Variants in SPMIP11 observed in about 807,000 individuals in gnomAD.
SPMIP11 encodes the protein long intergenic non-protein coding RNA 935.
chr12:48,732,674 G>C, the SPMIP11 span, among the ~76,000 whole-genome samples: 1 of 151,894 alleles, frequency 6.6e-6, no homozygotes, highest in South Asian at 2.1e-4. Context: ...GGAGGCTGAG[G>C]CAGGAGAATC....
the SPMIP11 span, among the ~76,000 whole-genome samples, chr12:48,736,413 CAAAAA>C: frequency 1.1e-4 from 8 of 71,840 alleles, no homozygotes; most frequent in Non-Finnish European, 5.4e-5. Flanking sequence ...GACTCTGTCT[CAAAAA>C]AAAAAAAAAA....
At chr12:48,759,705 G>C in the SPMIP11 span, among the ~76,000 whole-genome samples, 6 of 151,640 alleles carry the variant, frequency 4.0e-5, no homozygotes, top group Non-Finnish European at 4.4e-5. Flanking sequence ...ATGTGGTTGG[G>C]TATGGTTATC....
the SPMIP11 span, chr12:48,771,405 T>C: frequency 1.9e-6 from 1 of 530,526 alleles, no homozygotes; most frequent in South Asian, 2.0e-5. This position sits in a 1 kb window ranked among gnomAD's most constrained non-coding sequence, Gnocchi z 4.3. Flanking sequence ...CTCATGAGGT[T>C]CTGTCCACAG....
chr12:48,766,594 T>C, the SPMIP11 span: 1 of 152,638 alleles, frequency 6.6e-6, no homozygotes, highest in African/African-American at 2.4e-5. Context: ...AAAACAAGTC[T>C]TTTCCCCTCC....
the SPMIP11 span, among the ~76,000 whole-genome samples, chr12:48,731,683 A>C: frequency 1.3e-5 from 2 of 152,150 alleles, no homozygotes; most frequent in Admixed American, 6.5e-5. Flanking sequence ...CTACAACTTC[A>C]GAATAGTGTT....
the SPMIP11 span, among the ~76,000 whole-genome samples, chr12:48,755,279 A>G: frequency 6.6e-6 from 1 of 152,196 alleles, no homozygotes; most frequent in Admixed American, 6.5e-5. Context: ...CCAGTTCTAG[A>G]AGCTATTTAG....
the SPMIP11 span, among the ~76,000 whole-genome samples, chr12:48,756,036 C>G: frequency 2.0e-4 from 30 of 151,548 alleles, no homozygotes; most frequent in African/African-American, 7.3e-4. Context: ...TGCCACCACA[C>G]CTGGCTAATT....
At chr12:48,736,336 C>G in the SPMIP11 span, among the ~76,000 whole-genome samples, 11 of 148,458 alleles carry the variant, frequency 7.4e-5, no homozygotes, top group East Asian at 1.4e-3. Context: ...TGCTTAAGCC[C>G]GGGAGACAGA....
the SPMIP11 span, among the ~76,000 whole-genome samples, chr12:48,742,250 C>T: frequency 6.8e-6 from 1 of 146,938 alleles, no homozygotes; most frequent in African/African-American, 2.5e-5. Flanking sequence ...TTTTCCAAAA[C>T]ATTCAGCTTC....
chr12:48,770,627 A>G, the SPMIP11 span: 3 of 792,230 alleles, frequency 3.8e-6, no homozygotes, highest in South Asian at 5.0e-5. Context: ...TTAATATCAG[A>G]CTTGATATAG....
chr12:48,730,476 A>G, the SPMIP11 span, among the ~76,000 whole-genome samples: 1 of 152,170 alleles, frequency 6.6e-6, no homozygotes, highest in African/African-American at 2.4e-5. Flanking sequence ...TCAACTTGCC[A>G]GTTTCTAATT....
the SPMIP11 span, among the ~76,000 whole-genome samples, chr12:48,763,304 G>C: frequency 9.9e-5 from 15 of 152,060 alleles, no homozygotes; most frequent in Admixed American, 2.6e-4. Flanking sequence ...TTCCTGAGCA[G>C]CTGGTACTAC....
the SPMIP11 span, among the ~76,000 whole-genome samples, chr12:48,761,719 CTTTTTTTTTT>C: frequency 1.0e-5 from 1 of 95,244 alleles, no homozygotes; most frequent in South Asian, 3.7e-4. Flanking sequence ...ATATAACATT[CTTTTTTTTTT>C]TTTTTTTTTT....
At chr12:48,733,072 C>CTTTTTTT in the SPMIP11 span, among the ~76,000 whole-genome samples, 1 of 110,854 alleles carries the variant, frequency 9.0e-6, no homozygotes, top group African/African-American at 3.4e-5. Flanking sequence ...ACAAGTTAAT[C>CTTTTTTT]TTTTTTTTTT....
At chr12:48,754,323 T>G in the SPMIP11 span, among the ~76,000 whole-genome samples, 1 of 152,082 alleles carries the variant, frequency 6.6e-6, no homozygotes, top group East Asian at 2.0e-4. Flanking sequence ...GAGGATCACT[T>G]GAGCCCAGGA....
the SPMIP11 span, among the ~76,000 whole-genome samples, chr12:48,757,660 A>AAAATAAAATAAAATAAAATAAAAT: frequency 1.4e-5 from 1 of 71,132 alleles, no homozygotes; most frequent in African/African-American, 7.5e-5. Flanking sequence ...AAATAAAAAT[A>AAAATAAAATAAAATAAAATAAAAT]AAAATAAAAT....
chr12:48,739,261 A>G, the SPMIP11 span, among the ~76,000 whole-genome samples: 4 of 152,196 alleles, frequency 2.6e-5, no homozygotes, highest in Non-Finnish European at 5.9e-5. Flanking sequence ...GGAGTTGTCC[A>G]TTATGGGCTT....
chr12:48,754,246 ATTTT>A, the SPMIP11 span, among the ~76,000 whole-genome samples: 3 of 151,920 alleles, frequency 2.0e-5, no homozygotes, highest in Non-Finnish European at 2.9e-5. Flanking sequence ...ACAAAAAAAA[ATTTT>A]TTTAATTAGC....
At chr12:48,751,528 C>A in the SPMIP11 span, among the ~76,000 whole-genome samples, 1 of 152,076 alleles carries the variant, frequency 6.6e-6, no homozygotes, top group Non-Finnish European at 1.5e-5. Context: ...ATCACTTGAG[C>A]CCAGGAGGTT....
Sources: gnomAD v4.1 joint callset for allele counts (sites outside exome capture counted in the v4.1 genomes callset) on GRCh38, gnomAD v4.1.1 for gene constraint, Gnocchi (gnomAD v3.1) non-coding constraint, MANE v1.5 for transcripts, NCBI Gene and HGNC (gene_info 2026-07-23, HGNC 2026-07-21) for gene names.